The following EIF4G3 variants were observed in gnomAD, a reference collection of about 807,000 sequenced individuals.
The protein encoded by EIF4G3 is eIF-4-gamma 3.
A neutral mutation model predicts 186.4 loss-of-function variants in EIF4G3; 34 were observed. That is an observed-to-expected ratio of 0.18 (90% confidence interval 0.14 to 0.24). EIF4G3 has a LOEUF of 0.24. EIF4G3 is among the 10% of genes least tolerant of loss of function. The probability of loss-of-function intolerance (pLI) is 1.00; values close to 1 mark genes in which losing one functional copy is unlikely to be tolerated. For missense variants in EIF4G3, 1,536 were observed against 1,948.5 expected, an observed-to-expected ratio of 0.79 and a Z score of 3.99; for synonymous variants, 673 against 679.5, an observed-to-expected ratio of 0.99 and a Z score of 0.15.
chr1:20,900,034 G>A (rs556540654), intron 15 of EIF4G3, 91 bp from the exon 16 acceptor site: 1 of 1,273,340 alleles, frequency 7.9e-7, no homozygotes, highest in East Asian at 2.3e-5. Context: ...AAAAGCAAAG[G>A]AAAACATGTC....
chr1:20,815,474 C>G (rs1334123093), intron 34 of EIF4G3, among the ~76,000 whole-genome samples: 3 of 151,086 alleles, frequency 2.0e-5, no homozygotes, highest in Admixed American at 2.0e-4. Flanking sequence ...TGGGCCGCAA[C>G]CCTGTCTGGG....
chr1:20,880,644 G>A (rs1001153796), intron 19 of EIF4G3, among the ~76,000 whole-genome samples: 1 of 152,108 alleles, frequency 6.6e-6, no homozygotes, highest in Non-Finnish European at 1.5e-5. Context: ...CCAGCTACTC[G>A]GGAGGCTGAG....
chr1:20,871,952 T>C (rs2079317508), intron 20 of EIF4G3, among the ~76,000 whole-genome samples: 1 of 152,138 alleles, frequency 6.6e-6, no homozygotes, highest in Non-Finnish European at 1.5e-5. Flanking sequence ...GCCTCCCAAG[T>C]AGCTGGCGTG....
chr1:20,904,335 C>T (rs1429276432), intron 15 of EIF4G3, among the ~76,000 whole-genome samples: 1 of 152,082 alleles, frequency 6.6e-6, no homozygotes, highest in Non-Finnish European at 1.5e-5. Flanking sequence ...GGAAGGTTAA[C>T]CAAAAATTGT....
At chr1:20,971,824 G>T (rs1383223346) in intron 11 of EIF4G3, among the ~76,000 whole-genome samples, 1 of 152,150 alleles carries the variant, frequency 6.6e-6, no homozygotes, top group African/African-American at 2.4e-5. Flanking sequence ...AGTAGAGATG[G>T]GTTTTCGCCA....
intron 17 of EIF4G3, 36 bp from the exon 18 acceptor site, chr1:20,893,672 T>G: frequency 6.9e-7 from 1 of 1,457,314 alleles, no homozygotes; most frequent in African/African-American, 1.4e-5. Flanking sequence ...TAATACATGT[T>G]CCAGAGCATT....
chr1:20,825,251 GAAAAAAAA>G (rs71585786), intron 32 of EIF4G3, 53 bp from the exon 33 acceptor site: 6 of 231,722 alleles, frequency 2.6e-5, no homozygotes, highest in East Asian at 1.4e-4. Context: ...AGAAGAAACA[GAAAAAAAA>G]AAAAAAAAAA....
chr1:20,954,275 C>T (rs1223493356), intron 12 of EIF4G3, among the ~76,000 whole-genome samples: 2 of 152,200 alleles, frequency 1.3e-5, no homozygotes, highest in South Asian at 2.1e-4. Context: ...AGGTGGCTCA[C>T]GCCTCTAATC....
intron 25 of EIF4G3, among the ~76,000 whole-genome samples, chr1:20,855,715 T>C (rs2074683685): frequency 6.6e-6 from 1 of 152,218 alleles, no homozygotes; most frequent in Admixed American, 6.5e-5. Context: ...AAAAAAGGTA[T>C]TTCTATGGTC....
intron 20 of EIF4G3, among the ~76,000 whole-genome samples, chr1:20,874,359 G>A (rs1156681293): frequency 1.3e-5 from 2 of 151,908 alleles, no homozygotes; most frequent in East Asian, 1.9e-4. Context: ...TTTAATAATC[G>A]CCATTCTGAC....
At chr1:20,808,222 A>G (rs1403027034) in intron 36 of EIF4G3, among the ~76,000 whole-genome samples, 1 of 152,104 alleles carries the variant, frequency 6.6e-6, no homozygotes, top group Admixed American at 6.6e-5. Context: ...AAGCTGTTTC[A>G]TATCATGTTT....
intron 2 of EIF4G3, among the ~76,000 whole-genome samples, chr1:21,091,264 C>G (rs1354818822): frequency 2.0e-5 from 3 of 152,044 alleles, no homozygotes; most frequent in South Asian, 4.1e-4. Flanking sequence ...CGTGACTCAG[C>G]CTCCTGTGAC....
At chr1:20,825,743 T>C (rs748251739) in intron 32 of EIF4G3, among the ~76,000 whole-genome samples, 2 of 152,162 alleles carry the variant, frequency 1.3e-5, no homozygotes, top group Non-Finnish European at 2.9e-5. Context: ...CTCACTAGAA[T>C]CCCTCTTCAT....
At chr1:20,898,129 T>C (rs1322851736) in intron 16 of EIF4G3, among the ~76,000 whole-genome samples, 1 of 152,012 alleles carries the variant, frequency 6.6e-6, no homozygotes, top group Non-Finnish European at 1.5e-5. Flanking sequence ...CTAGGGTTTT[T>C]TTAAAAAAAG....
At chr1:20,956,541 A>G (rs2096424874) in intron 12 of EIF4G3, among the ~76,000 whole-genome samples, 1 of 145,360 alleles carries the variant, frequency 6.9e-6, no homozygotes, top group African/African-American at 2.5e-5. Context: ...GACTGTGGAG[A>G]GTGAAATTAA....
intron 14 of EIF4G3, among the ~76,000 whole-genome samples, chr1:20,936,566 A>G (rs1026391813): frequency 1.1e-4 from 16 of 152,330 alleles, no homozygotes; most frequent in Non-Finnish European, 2.1e-4. Context: ...TATTTCAAAT[A>G]TATTTTAGAA....
intron 2 of EIF4G3, among the ~76,000 whole-genome samples, chr1:21,143,228 G>A (rs1208101505): frequency 4.0e-5 from 6 of 151,574 alleles, no homozygotes; most frequent in African/African-American, 1.2e-4. Flanking sequence ...AAGCCTGGGC[G>A]ACAAAGTGAG....
At chr1:21,010,167 C>A (rs932134266) in intron 4 of EIF4G3, among the ~76,000 whole-genome samples, 1 of 151,852 alleles carries the variant, frequency 6.6e-6, no homozygotes, top group African/African-American at 2.4e-5. Context: ...TGTAACAAGG[C>A]CTGGCACGAT....
chr1:21,115,554 G>C (rs900370881), intron 2 of EIF4G3, among the ~76,000 whole-genome samples: 21 of 152,164 alleles, frequency 1.4e-4, no homozygotes, highest in African/African-American at 5.1e-4. Context: ...TATCTGTGAA[G>C]TGCAACAGAC....
Sources: gnomAD v4.1 joint callset for allele counts (sites outside exome capture counted in the v4.1 genomes callset) on GRCh38, gnomAD v4.1.1 for gene constraint, MANE v1.5 for transcripts, NCBI Gene and HGNC (gene_info 2026-07-23, HGNC 2026-07-21) for gene names.